Variants in ZBED6 observed in about 807,000 individuals in gnomAD.
ZBED6 encodes zinc finger BED-type containing 6, also known as zinc finger BED domain-containing protein 6.
A neutral mutation model predicts 58.4 loss-of-function variants in ZBED6; 40 were observed. The observed-to-expected ratio is 0.68, with a 90% CI of 0.53 to 0.89. The LOEUF is 0.89. ZBED6 is among the 40% of genes least tolerant of loss of function. The pLI is 0.00. For synonymous variants in ZBED6, 439 were observed against 350.6 expected (o/e 1.25, Z -2.82); for missense variants, 1,057 against 1,003.9 (o/e 1.05, Z -0.71).
chr1:203,819,113 C>T (rs1020430820), intron 3 of ZBED6, among the ~76,000 whole-genome samples: 18 of 148,188 alleles, frequency 1.2e-4, no homozygotes, highest in African/African-American at 4.6e-4. Context: ...CACACACACA[C>T]ACACACGTGT....
At chr1:203,842,417 C>T (rs570163308) in intron 11 of ZBED6, among the ~76,000 whole-genome samples, 15 of 152,228 alleles carry the variant, frequency 9.9e-5, no homozygotes, top group African/African-American at 3.1e-4. Flanking sequence ...GCCAACACGG[C>T]GAAACCCCGT....
intron 3 of ZBED6, among the ~76,000 whole-genome samples, chr1:203,822,000 G>A (rs189957531): frequency 1.1e-3 from 174 of 152,054 alleles, no homozygotes; most frequent in African/African-American, 3.4e-3. Flanking sequence ...CTCGTGATCC[G>A]CCCGCCTTGG....
intron 9 of ZBED6, chr1:203,835,716 T>C: frequency 3.9e-6 from 1 of 256,554 alleles, no homozygotes; most frequent in Non-Finnish European, 8.4e-6. Flanking sequence ...GACTCTGGTT[T>C]TGTTTGGTTT....
intron 3 of ZBED6, among the ~76,000 whole-genome samples, chr1:203,824,158 C>G (rs1679704524): frequency 6.6e-6 from 1 of 151,590 alleles, no homozygotes; most frequent in Non-Finnish European, 1.5e-5. Flanking sequence ...GTCCCAGCTA[C>G]TCAGGAGGTT....
exon 1 of ZBED6, chr1:203,800,534 TATA>T: frequency 7.4e-7 from 1 of 1,349,474 alleles, no homozygotes; most frequent in Non-Finnish European, 9.7e-7. Flanking sequence ...AGTTGTTAAA[TATA>T]ATCATTATCT....
intron 11 of ZBED6, among the ~76,000 whole-genome samples, chr1:203,844,318 C>T (rs1687304332): frequency 6.6e-6 from 1 of 152,094 alleles, no homozygotes; most frequent in African/African-American, 2.4e-5. Context: ...TGTGCAATCA[C>T]GCCTGGCTAA....
intron 11 of ZBED6, among the ~76,000 whole-genome samples, chr1:203,843,825 C>G (rs922538318): frequency 1.5e-4 from 23 of 151,802 alleles, no homozygotes; most frequent in African/African-American, 5.3e-4. Context: ...TTTCTTTGTT[C>G]TCTTATTTTT....
chr1:203,831,576 AACTG>A, intron 7 of ZBED6, 81 bp from the exon 8 acceptor site: 1 of 1,103,444 alleles, frequency 9.1e-7, no homozygotes, highest in Non-Finnish European at 1.3e-6. Context: ...TATTGGACTT[AACTG>A]GTTACAAAAA....
In ZBED6 at chr1:203,819,824, G is replaced by A. The variant is rs188514659; in HGVS notation, c.*2873+1135G>A. Among the ~76,000 whole-genome samples the A allele has an allele frequency of 5.4e-4, 81 of 151,296 alleles. No individual in the cohort carries two copies. The East Asian group carries it at 6.3e-3, about 12-fold the overall frequency. On this transcript the variant is annotated intron_variant, in intron 3 of 16. Transcript: ENST00000550078. Reference sequence around the variant, plus strand: ...GCTGGGATTACAGGCATGAGCCACCGCGCCCAGCCGACTCCAGCAATTTTT... The same window carrying A: ...GCTGGGATTACAGGCATGAGCCACCACGCCCAGCCGACTCCAGCAATTTTT...
At chr1:203,826,325 A>C (rs34289296) in intron 3 of ZBED6, among the ~76,000 whole-genome samples, 16,779 of 151,298 alleles carry the variant, frequency 0.11, 1,167 homozygotes, top group Non-Finnish European at 0.15. Flanking sequence ...AAAATATTAT[A>C]CTTTTAGAAA....
intron 1 of ZBED6, among the ~76,000 whole-genome samples, chr1:203,808,723 C>A (rs976694116): frequency 6.6e-6 from 1 of 152,134 alleles, no homozygotes; most frequent in Non-Finnish European, 1.5e-5. Flanking sequence ...TCTGTTCTTT[C>A]CTCTACTGAA....
At chr1:203,826,337 T>C (rs957965733) in intron 3 of ZBED6, among the ~76,000 whole-genome samples, 5 of 151,016 alleles carry the variant, frequency 3.3e-5, no homozygotes, top group African/African-American at 1.2e-4. Flanking sequence ...TTTTAGAAAA[T>C]ATCAATAATA....
exon 1 of ZBED6, chr1:203,797,606 G>A: frequency 1.3e-6 from 2 of 1,535,418 alleles, no homozygotes; most frequent in South Asian, 1.2e-5. Flanking sequence ...CTGGGATTCT[G>A]GGATGTGTTC....
At chr1:203,808,362 T>C (rs71643053) in intron 1 of ZBED6, among the ~76,000 whole-genome samples, 5 of 152,228 alleles carry the variant, frequency 3.3e-5, no homozygotes, top group Non-Finnish European at 7.3e-5. Flanking sequence ...CCTGAAAGTT[T>C]GTATGATTTT....
At chr1:203,852,057 G>A (rs2103483746) in intron 16 of ZBED6, 84 bp from the exon 17 acceptor site, 1 of 1,425,058 alleles carries the variant, frequency 7.0e-7, no homozygotes, top group East Asian at 2.4e-5. Flanking sequence ...ACAAATTTTT[G>A]CTCACTTTGT....
chr1:203,811,143 C>CAAAA (rs535589700), intron 1 of ZBED6, among the ~76,000 whole-genome samples: 1 of 73,620 alleles, frequency 1.4e-5, no homozygotes, highest in Non-Finnish European at 2.9e-5. Context: ...AACTCTGTCA[C>CAAAA]AAAAAAAAAA....
intron 1 of ZBED6, chr1:203,805,806 T>C: frequency 1.3e-6 from 1 of 791,694 alleles, no homozygotes; most frequent in Non-Finnish European, 2.2e-6. Context: ...CATCTAATTC[T>C]GGGCCGCCAT....
chr1:203,833,922 ACT>A (rs1683346655), intron 9 of ZBED6, 69 bp downstream of exon 9: 2 of 1,543,088 alleles, frequency 1.3e-6, no homozygotes, highest in South Asian at 2.4e-5. Flanking sequence ...GCTTCTCCAA[ACT>A]CTTTTTATAC....
chr1:203,797,675 A>T lies in ZBED6; in HGVS notation c.153A>T (p.Gly51=), dbSNP rs1386587365. ...TAGAGGAAAAGATGGTAGCAGAAGG[A>T]GTGAATAAAGAGGCAAAACAGCCTG... The change falls in exon 1 of 17, where the codon GGA becomes GGT. Residue 51 remains glycine (G), a synonymous_variant. Transcript: ENST00000550078. 3.3e-6 allele frequency: 5 copies of T among 1,536,030 alleles called. No homozygotes were observed. The South Asian group carries it at 5.9e-5, about 18-fold the overall frequency.
Sources: gnomAD v4.1 joint callset for allele counts (sites outside exome capture counted in the v4.1 genomes callset) on GRCh38, gnomAD v4.1.1 for gene constraint, MANE v1.5 for transcripts, NCBI Gene and HGNC (gene_info 2026-07-23, HGNC 2026-07-21) for gene names.